Variants in ABI2 observed in about 807,000 individuals in gnomAD.
ABI2 encodes the protein abl interactor 2, also known as abelson interactor 2.
In ABI2, 25 loss-of-function variants were observed where a neutral mutation model predicts 59.2. The observed-to-expected ratio is 0.42, with a 90% CI of 0.31 to 0.59. The LOEUF (loss-of-function observed/expected upper bound fraction) is 0.59. ABI2 is among the 20% of genes least tolerant of loss of function. The pLI is 0.14. For synonymous variants in ABI2, 213 were observed against 235.5 expected (o/e 0.90, Z 0.87); for missense variants, 545 against 681.8 (o/e 0.80, Z 2.23).
chr2:203,378,079 T>C, intron 2 of ABI2, among the ~76,000 whole-genome samples: 1 of 152,086 alleles, frequency 6.6e-6, no homozygotes, highest in Middle Eastern at 3.2e-3. Flanking sequence ...TAGAAAAGTT[T>C]AGAGATTATT....
At chr2:203,385,607 GA>G (rs1272722858) in intron 4 of ABI2, among the ~76,000 whole-genome samples, 1 of 152,154 alleles carries the variant, frequency 6.6e-6, no homozygotes, top group African/African-American at 2.4e-5. Context: ...ATTCCTTACA[GA>G]AATATGATAA....
At chr2:203,364,997 G>A (rs982607081) in intron 1 of ABI2, among the ~76,000 whole-genome samples, 1 of 151,724 alleles carries the variant, frequency 6.6e-6, no homozygotes, top group Non-Finnish European at 1.5e-5. Context: ...GCCTCCTAAC[G>A]TTGTGGAATT....
In ABI2 at chr2:203,373,008, G is replaced by A. The variant is rs955828409; in HGVS notation, c.285+5964G>A. 9.9e-5 allele frequency among the ~76,000 whole-genome samples: 15 copies of A among 151,726 alleles called. No homozygotes were observed. In the South Asian group the frequency reaches 1.0e-3, roughly 11 times the overall value. ...GCAGCCAGGCAGAGGGGCTCCTCAC[G>A]TCCCAGACGATGGGCAGCCACGCAG... On this transcript the variant is annotated intron_variant, in intron 2 of 11. Coordinates refer to ENST00000261018, the MANE Select transcript of ABI2 (RefSeq NM_001375670.1).
Position 203,385,155 on chromosome 2 carries a change from G to GAA in ABI2, c.480+2950_480+2951insAA, listed in dbSNP as rs1559293055. 1.6e-4 allele frequency among the ~76,000 whole-genome samples: 2 copies of GAA among 12,388 alleles called. 1 individual carries two copies. Among genetic ancestry groups the GAA allele is most frequent in the Admixed American group, 2.3e-3 (2 of 888 alleles). 8.1% of individuals were successfully genotyped at this position (12,388 alleles called of 152,430 possible). A position where few individuals can be genotyped will look rare whatever the true frequency, so the allele number is the denominator to read the frequency against. ...GCTCAGATTCTTTTTTTTTTTTTGA[G>GAA]ACAGTCTTGCCGTTGCCCAGGCTGG... is the stretch of plus-strand genomic sequence containing the variant. On this transcript the variant is annotated intron_variant, in intron 4 of 11. Transcript: ENST00000261018.
intron 1 of ABI2, among the ~76,000 whole-genome samples, chr2:203,335,170 A>G (rs1365200070): frequency 6.6e-6 from 1 of 152,238 alleles, no homozygotes; most frequent in Non-Finnish European, 1.5e-5. Context: ...TCCATATACT[A>G]GCCACTCATT....
intron 9 of ABI2, among the ~76,000 whole-genome samples, chr2:203,410,141 C>T (rs1161234307): frequency 2.0e-5 from 3 of 152,172 alleles, no homozygotes; most frequent in Admixed American, 6.5e-5. Flanking sequence ...TTCTTCAAGT[C>T]CCTGCTGAGA....
intron 11 of ABI2, among the ~76,000 whole-genome samples, chr2:203,417,929 T>C (rs1301215778): frequency 6.6e-6 from 1 of 151,928 alleles, no homozygotes; most frequent in Non-Finnish European, 1.5e-5. Context: ...AAGGAGAACA[T>C]GAACATGAGA....
chr2:203,331,348 CT>C (rs201209202), intron 1 of ABI2, among the ~76,000 whole-genome samples: 4 of 85,302 alleles, frequency 4.7e-5, no homozygotes, highest in Admixed American at 1.8e-4. Flanking sequence ...TCAATTTAGC[CT>C]TTTTTTTTTT....
At chr2:203,373,134 C>T (rs1165664280) in intron 2 of ABI2, among the ~76,000 whole-genome samples, 2 of 152,042 alleles carry the variant, frequency 1.3e-5, no homozygotes, top group African/African-American at 4.8e-5. Flanking sequence ...GAGGTTGTAG[C>T]GAGCCGAGAT....
intron 1 of ABI2, among the ~76,000 whole-genome samples, chr2:203,345,684 C>G (rs2082971581): frequency 6.6e-6 from 1 of 151,802 alleles, no homozygotes; most frequent in Non-Finnish European, 1.5e-5. Flanking sequence ...GCTGGGATTA[C>G]AGGCCTGAGC....
chr2:203,379,818 T>C (rs1006698353), intron 2 of ABI2, among the ~76,000 whole-genome samples: 2 of 152,224 alleles, frequency 1.3e-5, no homozygotes, highest in African/African-American at 4.8e-5. Context: ...CATTACAGTG[T>C]AAAGCCTAGA....
chr2:203,406,933 C>G (rs548471899), intron 9 of ABI2, among the ~76,000 whole-genome samples: 2 of 152,276 alleles, frequency 1.3e-5, no homozygotes, highest in African/African-American at 4.8e-5. Context: ...CAAAGGTCAT[C>G]CCAAATTCTA....
intron 2 of ABI2, chr2:203,367,330 T>TG (rs941400088): frequency 9.2e-6 from 2 of 218,022 alleles, no homozygotes; most frequent in Non-Finnish European, 8.6e-6. Flanking sequence ...CGCCTTTTTT[T>TG]TTTTTTAAAA....
intron 1 of ABI2, among the ~76,000 whole-genome samples, chr2:203,335,035 G>A (rs1280997839): frequency 2.0e-5 from 3 of 152,134 alleles, no homozygotes; most frequent in African/African-American, 7.2e-5. Context: ...GAGGTAGCAT[G>A]TAGGGCAACA....
At chr2:203,421,858 G>C (rs950483605) in intron 11 of ABI2, among the ~76,000 whole-genome samples, 2 of 151,806 alleles carry the variant, frequency 1.3e-5, no homozygotes, top group African/African-American at 4.8e-5. Context: ...CAGCAACTCA[G>C]GAGGCTGAGG....
intron 1 of ABI2, among the ~76,000 whole-genome samples, chr2:203,336,546 A>C (rs144763791): frequency 1.2e-4 from 19 of 152,288 alleles, no homozygotes; most frequent in East Asian, 3.9e-4. Flanking sequence ...AGTTCCCATG[A>C]GATGAGGCTC....
intron 1 of ABI2, among the ~76,000 whole-genome samples, chr2:203,341,450 C>T (rs555377188): frequency 2.0e-5 from 3 of 152,166 alleles, no homozygotes; most frequent in Non-Finnish European, 4.4e-5. Flanking sequence ...CTCAGTGGCT[C>T]ACTCCTATAA....
At chr2:203,423,397 A>G (rs191669261) in intron 11 of ABI2, among the ~76,000 whole-genome samples, 9 of 152,142 alleles carry the variant, frequency 5.9e-5, no homozygotes, top group Admixed American at 2.0e-4. Flanking sequence ...CTTTGTTTCA[A>G]TTTACTATTT....
intron 1 of ABI2, among the ~76,000 whole-genome samples, chr2:203,331,554 TC>T (rs2073527575): frequency 2.0e-5 from 3 of 151,864 alleles, no homozygotes; most frequent in Non-Finnish European, 2.9e-5. Flanking sequence ...AGACGGGATT[TC>T]CCCATTTTGG....
Sources: gnomAD v4.1 joint callset for allele counts (sites outside exome capture counted in the v4.1 genomes callset) on GRCh38, gnomAD v4.1.1 for gene constraint, MANE v1.5 for transcripts, NCBI Gene and HGNC (gene_info 2026-07-23, HGNC 2026-07-21) for gene names.